CACHD1: variants seen among roughly 807,000 people sequenced by gnomAD.
The protein encoded by CACHD1 is VWFA and cache domain-containing protein 1.
A neutral mutation model predicts 138.7 loss-of-function variants in CACHD1; 71 were observed. The observed-to-expected ratio is 0.51, with a 90% CI of 0.42 to 0.62. CACHD1 has a LOEUF of 0.62. CACHD1 is among the 20% of genes least tolerant of loss of function. The pLI is 0.00. For missense variants in CACHD1, 1,389 were observed against 1,625.3 expected (o/e 0.85, Z 2.50); for synonymous variants, 578 against 591.5 (o/e 0.98, Z 0.33).
At chr1:64,473,617 C>G (rs572841217) in intron 1 of CACHD1, among the ~76,000 whole-genome samples, 1 of 152,190 alleles carries the variant, frequency 6.6e-6, no homozygotes, top group African/African-American at 2.4e-5. Flanking sequence ...AAAAGAATGT[C>G]TTCCCTTGCT....
At chr1:64,608,536 TCTTAA>T (rs1469889497) in intron 4 of CACHD1, among the ~76,000 whole-genome samples, 2 of 152,204 alleles carry the variant, frequency 1.3e-5, no homozygotes, top group Non-Finnish European at 2.9e-5. Context: ...TATAAACCAT[TCTTAA>T]CTTCATTTGT....
chr1:64,584,170 CAT>C (rs956276121), intron 3 of CACHD1, among the ~76,000 whole-genome samples: 2 of 152,076 alleles, frequency 1.3e-5, no homozygotes, highest in Non-Finnish European at 2.9e-5. Flanking sequence ...TAGGGAAAGA[CAT>C]GTGGCAATGT....
At chr1:64,595,288 G>A (rs1647140664) in intron 3 of CACHD1, among the ~76,000 whole-genome samples, 1 of 152,062 alleles carries the variant, frequency 6.6e-6, no homozygotes, top group Admixed American at 6.5e-5. Flanking sequence ...TCAACCTCTT[G>A]GGCTTTCTGT....
chr1:64,552,221 TAAC>T (rs1646764420), intron 2 of CACHD1, among the ~76,000 whole-genome samples: 1 of 152,106 alleles, frequency 6.6e-6, no homozygotes, highest in Admixed American at 6.6e-5. Flanking sequence ...TAGAAGCCTT[TAAC>T]AATAATTTTA....
chr1:64,606,845 G>C (rs996453714), intron 4 of CACHD1, among the ~76,000 whole-genome samples: 39 of 152,278 alleles, frequency 2.6e-4, no homozygotes, highest in African/African-American at 9.1e-4. Context: ...GTATGTGAGA[G>C]TAAGAGAGGA....
At chr1:64,628,223 A>G (rs1205857669) in intron 4 of CACHD1, among the ~76,000 whole-genome samples, 1 of 152,136 alleles carries the variant, frequency 6.6e-6, no homozygotes, top group Non-Finnish European at 1.5e-5. Context: ...AGCTTAATGT[A>G]TTTTCTGGTC....
At chr1:64,535,523 C>T (rs955757198) in intron 1 of CACHD1, among the ~76,000 whole-genome samples, 6 of 151,966 alleles carry the variant, frequency 3.9e-5, no homozygotes, top group African/African-American at 1.5e-4. Flanking sequence ...CAGAGTTTCA[C>T]CATGTTGGCC....
Position 64,654,734 on chromosome 1 carries a change from G to A in CACHD1, c.1713G>A (p.Leu571=), listed in dbSNP as rs1331129491. 6.2e-7 allele frequency: 1 copy of A among 1,613,858 alleles called. No homozygotes were observed. The highest frequency in any genetic ancestry group is 1.7e-5 in the Admixed American group (1 of 59,996). ...QIIAVPVNSS[L]SWHINKLRET... is the part of the protein sequence containing the mutation. ...TCGCAGTCCCTGTGAACTCATCCCT[G>A]TCTTGGCACATAAACAAGCTGAGAG... The change falls in exon 12 of 27, where the codon CTG becomes CTA. Residue 571 remains leucine (L), a synonymous_variant. Coordinates refer to ENST00000651257, the MANE Select transcript of CACHD1 (RefSeq NM_020925.4).
At chr1:64,532,972 C>T (rs187310659) in intron 1 of CACHD1, among the ~76,000 whole-genome samples, 3 of 151,904 alleles carry the variant, frequency 2.0e-5, no homozygotes, top group Admixed American at 6.6e-5. Context: ...TTTTTTATAA[C>T]GAGAGGCAGG....
intron 1 of CACHD1, among the ~76,000 whole-genome samples, chr1:64,540,624 T>C (rs1335397821): frequency 6.6e-6 from 1 of 152,212 alleles, no homozygotes; most frequent in Admixed American, 6.5e-5. Flanking sequence ...TGCCTGCCTT[T>C]GTTCTCTGGG....
At chr1:64,537,582 C>T (rs1486526745) in intron 1 of CACHD1, among the ~76,000 whole-genome samples, 2 of 152,144 alleles carry the variant, frequency 1.3e-5, no homozygotes, top group Admixed American at 6.5e-5. Flanking sequence ...ACAGCCATTT[C>T]CTGAAAATGT....
At chr1:64,476,800 G>C (rs545374853) in intron 1 of CACHD1, among the ~76,000 whole-genome samples, 2 of 152,322 alleles carry the variant, frequency 1.3e-5, no homozygotes, top group East Asian at 1.9e-4. Flanking sequence ...GAAGGGCTTG[G>C]GGGAGGGAGA....
At position 64,640,578 on chromosome 1, in the gene CACHD1, G is replaced by A. The variant is rs541868836; in HGVS notation, c.1007-1242G>A. On this transcript the variant is annotated intron_variant, in intron 7 of 26. Coordinates refer to ENST00000651257, the MANE Select transcript of CACHD1 (RefSeq NM_020925.4). ...TGTAGTCCCACTACAGTAATCTGAGGCATGAGAATCGCTTGAACCCTGGAG... is the reference window on the plus strand; with the variant it reads ...TGTAGTCCCACTACAGTAATCTGAGACATGAGAATCGCTTGAACCCTGGAG... Among the ~76,000 whole-genome samples the A allele has an allele frequency of 6.0e-4, 91 of 151,738 alleles. 1 individual carries two copies. The highest frequency in any genetic ancestry group is 1.6e-3 in the Admixed American group (25 of 15,234).
intron 16 of CACHD1, among the ~76,000 whole-genome samples, chr1:64,670,825 TAGAA>T (rs1216515130): frequency 6.6e-6 from 1 of 152,168 alleles, no homozygotes; most frequent in African/African-American, 2.4e-5. Flanking sequence ...AACTGAAACT[TAGAA>T]AGGTGAAACA....
intron 26 of CACHD1, among the ~76,000 whole-genome samples, chr1:64,690,856 C>A (rs1451699663): frequency 6.6e-6 from 1 of 152,198 alleles, no homozygotes; most frequent in East Asian, 1.9e-4. Context: ...TCCGCACCAG[C>A]CCCAGTTGAT....
intron 4 of CACHD1, among the ~76,000 whole-genome samples, chr1:64,610,401 A>G (rs1246929649): frequency 1.3e-5 from 2 of 152,214 alleles, no homozygotes; most frequent in Non-Finnish European, 2.9e-5. Context: ...AGCTGGTAAA[A>G]TCAAAAGCAA....
chr1:64,682,368 C>A (rs185580939), intron 26 of CACHD1, among the ~76,000 whole-genome samples: 1 of 152,278 alleles, frequency 6.6e-6, no homozygotes, highest in East Asian at 1.9e-4. Flanking sequence ...TCCATAAAAT[C>A]AGCATCCTCT....
At chr1:64,627,935 G>A (rs952036970) in intron 4 of CACHD1, among the ~76,000 whole-genome samples, 1 of 152,044 alleles carries the variant, frequency 6.6e-6, no homozygotes, top group East Asian at 1.9e-4. Flanking sequence ...AGAATTAACT[G>A]GTATTAAACA....
chr1:64,544,930 T>A (rs1191297919), intron 1 of CACHD1, among the ~76,000 whole-genome samples: 2 of 152,274 alleles, frequency 1.3e-5, no homozygotes, highest in East Asian at 3.9e-4. Flanking sequence ...ATATTGTATA[T>A]ACTTAAAGTG....
Sources: allele counts gnomAD v4.1 joint callset (sites outside exome capture counted in the v4.1 genomes callset), GRCh38; gene constraint gnomAD v4.1.1; transcripts MANE v1.5; gene names NCBI Gene and HGNC (gene_info 2026-07-23, HGNC 2026-07-21).